Variants in PPM1E observed in about 807,000 individuals in gnomAD.
PPM1E encodes the protein protein phosphatase, Mg2+/Mn2+ dependent 1E.
PPM1E carries 20 observed loss-of-function variants against 65.9 expected under a neutral mutation model. The observed-to-expected ratio is 0.30, with a 90% CI of 0.21 to 0.44. The LOEUF is 0.44. PPM1E is among the 20% of genes least tolerant of loss of function. The pLI is 1.00. For missense variants in PPM1E, 713 were observed against 953.1 expected (o/e 0.75, Z 3.32); for synonymous variants, 352 against 374.9 (o/e 0.94, Z 0.70).
chr17:58,941,879 C>G (rs1567882380), intron 1 of PPM1E, among the ~76,000 whole-genome samples: 1 of 151,198 alleles, frequency 6.6e-6, no homozygotes, highest in Non-Finnish European at 1.5e-5. Flanking sequence ...GTGGCAGGCA[C>G]CTGTAATCCC....
At position 58,980,533 on chromosome 17, in the gene PPM1E, G is replaced by C; in HGVS notation, c.1770G>C (p.Glu590Asp). The change falls in exon 7 of 7, where the codon GAG becomes GAC. Residue 590 changes from glutamate to aspartate, a missense_variant. Physicochemically the swap from Glu to Asp is conservative, Grantham distance 45 (BLOSUM62 2). Coordinates refer to ENST00000308249, the MANE Select transcript of PPM1E (RefSeq NM_014906.5). The surrounding 1 kb of genome is among the most constrained non-coding windows in gnomAD (Gnocchi z 4.7). ...PHSAQFLLPVEMFGPGAPKKA... is the reference protein window; with the variant it reads ...PHSAQFLLPVDMFGPGAPKKA... Reference sequence around the variant, plus strand: ...GTGCCCAGTTTTTGCTACCAGTTGAGATGTTTGGTCCTGGTGCACCAAAGA... The same window carrying C: ...GTGCCCAGTTTTTGCTACCAGTTGACATGTTTGGTCCTGGTGCACCAAAGA... 6.2e-7 allele frequency: 1 copy of C among 1,614,186 alleles called. No homozygotes were observed. Among genetic ancestry groups the C allele is most frequent in the Non-Finnish European group, 8.5e-7 (1 of 1,180,026 alleles).
chr17:58,794,911 CAG>C (rs1429248736), intron 1 of PPM1E, among the ~76,000 whole-genome samples: 1 of 131,128 alleles, frequency 7.6e-6, no homozygotes, highest in African/African-American at 3.0e-5. Flanking sequence ...TTTTTTGAGG[CAG>C]AGTCTTGCTC....
intron 1 of PPM1E, among the ~76,000 whole-genome samples, chr17:58,940,326 C>A (rs561519656): frequency 2.0e-5 from 3 of 152,164 alleles, no homozygotes; most frequent in Non-Finnish European, 2.9e-5. Flanking sequence ...ATAATCACTT[C>A]CAACTCAAAG....
chr17:58,821,300 C>T (rs1218895354), intron 1 of PPM1E, among the ~76,000 whole-genome samples: 12 of 152,140 alleles, frequency 7.9e-5, no homozygotes, highest in South Asian at 2.1e-4. Context: ...TTAGTAGAGA[C>T]GGGGTTTCAC....
intron 1 of PPM1E, among the ~76,000 whole-genome samples, chr17:58,769,873 A>G (rs1367061621): frequency 1.3e-5 from 2 of 152,032 alleles, no homozygotes; most frequent in African/African-American, 4.8e-5. Flanking sequence ...CTAAAAATAC[A>G]AAAATTAGAT....
intron 1 of PPM1E, among the ~76,000 whole-genome samples, chr17:58,818,595 G>C (rs188316511): frequency 5.1e-4 from 77 of 152,142 alleles, no homozygotes; most frequent in African/African-American, 1.8e-3. Context: ...TTTTGATATA[G>C]ACCCCAAGTT....
At chr17:58,932,974 C>T (rs1381535977) in intron 1 of PPM1E, among the ~76,000 whole-genome samples, 1 of 152,134 alleles carries the variant, frequency 6.6e-6, no homozygotes, top group African/African-American at 2.4e-5. Context: ...TGTTTAGTTA[C>T]ACAAATACTT....
intron 1 of PPM1E, among the ~76,000 whole-genome samples, chr17:58,879,220 T>G (rs2051161697): frequency 6.6e-6 from 1 of 151,078 alleles, no homozygotes; most frequent in Non-Finnish European, 1.5e-5. Context: ...AACACATACA[T>G]TATTTTTAAT....
At chr17:58,897,330 C>A (rs1045414782) in intron 1 of PPM1E, among the ~76,000 whole-genome samples, 1 of 151,416 alleles carries the variant, frequency 6.6e-6, no homozygotes, top group African/African-American at 2.4e-5. Context: ...AGGAGAATGG[C>A]GTGAACCTGG....
chr17:58,930,250 T>TATATAC (rs1555620517), intron 1 of PPM1E, among the ~76,000 whole-genome samples: 28 of 143,306 alleles, frequency 2.0e-4, no homozygotes, highest in African/African-American at 7.2e-4. Context: ...TAAATGTATA[T>TATATAC]ACACACACAC....
At chr17:58,910,919 C>T (rs931983255) in intron 1 of PPM1E, among the ~76,000 whole-genome samples, 4 of 152,130 alleles carry the variant, frequency 2.6e-5, no homozygotes, top group African/African-American at 9.7e-5. Flanking sequence ...GTTCCTTTTC[C>T]CCTCCTCTTG....
At chr17:58,846,661 AGTCT>A (rs1311809201) in intron 1 of PPM1E, among the ~76,000 whole-genome samples, 1 of 152,156 alleles carries the variant, frequency 6.6e-6, no homozygotes, top group Non-Finnish European at 1.5e-5. Flanking sequence ...TTCTTAATCC[AGTCT>A]ACCATTGATG....
chr17:58,928,483 A>G (rs1012195660), intron 1 of PPM1E, among the ~76,000 whole-genome samples: 3 of 151,954 alleles, frequency 2.0e-5, no homozygotes, highest in Admixed American at 6.6e-5. Flanking sequence ...TGCTAAAATT[A>G]AAAAGACTGA....
intron 1 of PPM1E, among the ~76,000 whole-genome samples, chr17:58,821,742 T>G (rs2143138845): frequency 6.6e-6 from 1 of 152,302 alleles, no homozygotes; most frequent in East Asian, 1.9e-4. Context: ...AAGAAACTTA[T>G]TTTGAGACTC....
chr17:58,909,182 G>A (rs1236089023), intron 1 of PPM1E, among the ~76,000 whole-genome samples: 1 of 151,760 alleles, frequency 6.6e-6, no homozygotes. Context: ...AGGTCTACTA[G>A]GAACAAATTT....
chr17:58,818,465 T>C (rs2050448477), intron 1 of PPM1E, among the ~76,000 whole-genome samples: 1 of 152,224 alleles, frequency 6.6e-6, no homozygotes, highest in South Asian at 2.1e-4. Context: ...ACAGTAAAGA[T>C]GAGCCCAAAA....
intron 1 of PPM1E, among the ~76,000 whole-genome samples, chr17:58,767,886 C>T (rs12937722): frequency 0.042 from 6,360 of 152,156 alleles, 197 homozygotes; most frequent in Non-Finnish European, 0.062. Flanking sequence ...AGGTGATCCG[C>T]CCACCTCGGC....
intron 6 of PPM1E, among the ~76,000 whole-genome samples, chr17:58,978,941 C>T (rs374847636): frequency 1.3e-5 from 2 of 152,196 alleles, no homozygotes; most frequent in Admixed American, 6.5e-5. Context: ...CAGTCTCGCT[C>T]CTACCCCAAG....
intron 1 of PPM1E, among the ~76,000 whole-genome samples, chr17:58,933,614 G>A (rs1477261814): frequency 6.6e-6 from 1 of 151,924 alleles, no homozygotes; most frequent in Non-Finnish European, 1.5e-5. Context: ...TGGCCAACAT[G>A]GTGAAACTCC....
Sources: allele counts gnomAD v4.1 joint callset (sites outside exome capture counted in the v4.1 genomes callset), GRCh38; gene constraint gnomAD v4.1.1; non-coding constraint Gnocchi (gnomAD v3.1); transcripts MANE v1.5; gene names NCBI Gene and HGNC (gene_info 2026-07-23, HGNC 2026-07-21).